KIF25: variants seen among roughly 807,000 people sequenced by gnomAD.
KIF25 encodes kinesin family member 25, also known as kinesin-like protein KIF25.
Under a neutral mutation model 32.9 loss-of-function variants are expected in KIF25, and 19 were observed. The ratio of observed to expected loss-of-function variants is 0.58; its 90% CI spans 0.40 to 0.85. The LOEUF (loss-of-function observed/expected upper bound fraction) is 0.85, where lower values mean the gene tolerates loss of function less well. Ranked by LOEUF, KIF25 falls within the 40% of genes least tolerant of loss-of-function variation. KIF25 has a pLI of 0.00. For missense variants in KIF25, 485 were observed against 507.0 expected (o/e 0.96, Z 0.42); for synonymous variants, 225 against 213.7 (o/e 1.05, Z -0.46).
At chr6:168,009,366 C>A (rs1483188312) in intron 4 of KIF25, among the ~76,000 whole-genome samples, 1 of 151,904 alleles carries the variant, frequency 6.6e-6, no homozygotes, top group African/African-American at 2.4e-5. Flanking sequence ...AGATGTGACC[C>A]AATTTGTTTA....
At chr6:168,009,837 A>G (rs1024470717) in intron 4 of KIF25, among the ~76,000 whole-genome samples, 1 of 151,944 alleles carries the variant, frequency 6.6e-6, no homozygotes, top group South Asian at 2.1e-4. Flanking sequence ...TGTTTCTTCT[A>G]GGTTTTTGAA....
At chr6:168,005,216 T>C (rs575110170) in intron 4 of KIF25, among the ~76,000 whole-genome samples, 117 of 152,226 alleles carry the variant, frequency 7.7e-4, no homozygotes, top group Middle Eastern at 6.8e-3. Flanking sequence ...CCTGGGTATA[T>C]AGGGGGGCAA....
At chr6:168,008,985 T>C (rs911291158) in intron 4 of KIF25, among the ~76,000 whole-genome samples, 3 of 152,144 alleles carry the variant, frequency 2.0e-5, no homozygotes, top group Non-Finnish European at 4.4e-5. Context: ...GGTAGAGTCT[T>C]TAGGATTTTC....
intron 8 of KIF25, chr6:168,036,024 G>T (rs1799020886): frequency 2.1e-5 from 6 of 283,388 alleles, no homozygotes; most frequent in South Asian, 2.0e-4. Flanking sequence ...AATGACATCA[G>T]TGCTGATATC....
In KIF25 at chr6:168,038,656, G is replaced by A; in HGVS notation, c.421G>A (p.Ala141Thr). 6.2e-7 allele frequency: 1 copy of A among 1,614,210 alleles called. No homozygotes were observed. The highest frequency in any genetic ancestry group is 8.5e-7 in the Non-Finnish European group (1 of 1,180,040). ...CCTTCTGGCCAAAGACAGCATTGCA[G>A]CAGTGTCGGGGGTCAAGCGTGAGGT... ...FDLLAKDSIA[A>T]VSGVKREVVT... Residue 141 changes from alanine to threonine, a missense_variant, in exon 9 of 13, where the codon GCA (alanine) becomes ACA (threonine). Ala to Thr is a moderately conservative substitution (Grantham distance 58, BLOSUM62 0). This residue lies in a region of KIF25 where 480 missense variants were observed against 470.3 expected (regional missense o/e 1.02). Coordinates refer to ENST00000643607, the MANE Select transcript of KIF25 (RefSeq NM_030615.4).
chr6:168,006,208 CT>C (rs112107930), intron 4 of KIF25, among the ~76,000 whole-genome samples: 6,066 of 142,478 alleles, frequency 0.043, 133 homozygotes, highest in Non-Finnish European at 0.061. Context: ...TATTCTATTT[CT>C]TTTTTTTTTT....
chr6:168,008,783 C>T (rs9355151), intron 4 of KIF25, among the ~76,000 whole-genome samples: 30,431 of 151,816 alleles, frequency 0.2, 3,414 homozygotes, highest in East Asian at 0.27. Flanking sequence ...TTAGAGGTTT[C>T]TCACCTCCTT....
intron 4 of KIF25, among the ~76,000 whole-genome samples, chr6:168,013,552 G>A (rs1798675587): frequency 6.6e-6 from 1 of 152,110 alleles, no homozygotes; most frequent in Non-Finnish European, 1.5e-5. Context: ...GCTGGGGGGT[G>A]AGCAGTGCAC....
At chr6:168,036,505 C>T (rs2114907935) in intron 8 of KIF25, among the ~76,000 whole-genome samples, 1 of 152,342 alleles carries the variant, frequency 6.6e-6, no homozygotes, top group Middle Eastern at 3.4e-3. Flanking sequence ...CTCGCCTTCT[C>T]AACACTTTGC....
chr6:168,025,815 C>G (rs373450364), intron 5 of KIF25, among the ~76,000 whole-genome samples: 27 of 152,310 alleles, frequency 1.8e-4, no homozygotes, highest in African/African-American at 6.5e-4. Flanking sequence ...ATCCTTTCCC[C>G]ACGCGGCTTA....
Position 168,038,422 on chromosome 6 carries a change from C to T in KIF25, c.318-131C>T, listed in dbSNP as rs537537453. ...CCCTGAGTGATCTTCGGGTATGTAA[C>T]ATGCAGCCCTCTGCTCGGACCCCAG... On this transcript the variant is annotated intron_variant, in intron 8 of 12. Coordinates refer to ENST00000643607, the MANE Select transcript of KIF25 (RefSeq NM_030615.4). 116 of 814,572 alleles carry T rather than the reference C, an allele frequency of 1.4e-4. No individual in the cohort carries two copies. The African/African-American group carries it at 1.8e-3, about 12-fold the overall frequency. The allele number at this position is 814,572 out of a possible 1,614,324, so 50.5% of individuals were successfully genotyped here.
At chr6:168,008,954 G>A (rs538764288) in intron 4 of KIF25, among the ~76,000 whole-genome samples, 15 of 152,000 alleles carry the variant, frequency 9.9e-5, no homozygotes, top group East Asian at 9.7e-4. Context: ...CGAAGTTGTC[G>A]ATCAGTTCTA....
chr6:168,014,881 C>G (rs773084330), intron 4 of KIF25, among the ~76,000 whole-genome samples: 1 of 152,146 alleles, frequency 6.6e-6, no homozygotes, highest in Non-Finnish European at 1.5e-5. Context: ...TGTCTTTGTT[C>G]GTCCCTGATT....
intron 10 of KIF25, among the ~76,000 whole-genome samples, 165 bp downstream of exon 10, chr6:168,040,381 C>A (rs1799101550): frequency 6.6e-6 from 1 of 152,158 alleles, no homozygotes; most frequent in Non-Finnish European, 1.5e-5. Context: ...GCCTGGCCAA[C>A]ATGGTGAAAC....
intron 2 of KIF25, among the ~76,000 whole-genome samples, chr6:168,001,260 C>T (rs908634245): frequency 6.6e-6 from 1 of 152,204 alleles, no homozygotes; most frequent in Non-Finnish European, 1.5e-5. Context: ...GCAAGATAAT[C>T]CAGTGGGCAT....
At chr6:168,030,664 G>A (rs1798928366) in intron 6 of KIF25, 109 bp from the exon 7 acceptor site, 1 of 706,056 alleles carries the variant, frequency 1.4e-6, no homozygotes, top group African/African-American at 1.8e-5. Flanking sequence ...TGATGGCGTT[G>A]GGGGGATGGG....
intron 6 of KIF25, 96 bp from the exon 7 acceptor site, chr6:168,030,677 G>T: frequency 1.2e-6 from 1 of 815,158 alleles, no homozygotes; most frequent in African/African-American, 1.7e-5. Flanking sequence ...GGGATGGGAA[G>T]TACACGGGGC....
chr6:168,040,704 G>A (rs1324735116), intron 10 of KIF25, among the ~76,000 whole-genome samples: 1 of 152,156 alleles, frequency 6.6e-6, no homozygotes, highest in Admixed American at 6.6e-5. Context: ...TGGGATCCCA[G>A]GCTGAGAAGA....
intron 2 of KIF25, among the ~76,000 whole-genome samples, 160 bp downstream of exon 2, chr6:167,999,480 C>CTT (rs1467832412): frequency 6.6e-6 from 1 of 152,200 alleles, no homozygotes; most frequent in Non-Finnish European, 1.5e-5. Flanking sequence ...CGCTGTCTTG[C>CTT]TGACAGTGGA....
Sources: gnomAD v4.1 joint callset for allele counts (sites outside exome capture counted in the v4.1 genomes callset) on GRCh38, gnomAD v4.1.1 for gene constraint, gnomAD v4.1.1 regional missense constraint, MANE v1.5 for transcripts, NCBI Gene and HGNC (gene_info 2026-07-23, HGNC 2026-07-21) for gene names.